CSAD: variants seen among roughly 807,000 people sequenced by gnomAD.
CSAD encodes the protein P-selectin cytoplasmic tail-associated protein.
CSAD carries 47 observed loss-of-function variants against 61.5 expected under a neutral mutation model. The observed-to-expected ratio is 0.76, with a 90% CI of 0.60 to 0.97. The LOEUF (loss-of-function observed/expected upper bound fraction) is 0.97. Among genes scored for constraint, CSAD ranks in the 50% least tolerant of loss-of-function variants. CSAD has a pLI of 0.00. For synonymous variants in CSAD, 245 were observed against 252.7 expected (o/e 0.97, Z 0.29); for missense variants, 611 against 643.6 (o/e 0.95, Z 0.55).
At chr12:53,166,782 TGATAC>T (rs1939990630) in intron 10 of CSAD, among the ~76,000 whole-genome samples, 2 of 151,696 alleles carry the variant, frequency 1.3e-5, no homozygotes, top group African/African-American at 4.9e-5. Context: ...GGGGACAGAG[TGATAC>T]TCTGTCTCAG....
chr12:53,177,204 T>C (rs893225940), intron 2 of CSAD, among the ~76,000 whole-genome samples: 3 of 152,210 alleles, frequency 2.0e-5, no homozygotes, highest in Non-Finnish European at 4.4e-5. Context: ...AAGATGAATA[T>C]ATATGAAATC....
Position 53,180,762 on chromosome 12 carries a change from G to A in CSAD, c.-121C>T, listed in dbSNP as rs1176985254. The A allele has an allele frequency of 1.3e-5, 17 of 1,268,986 alleles. No individual in the cohort carries two copies. The South Asian group carries it at 2.2e-4, about 16-fold the overall frequency. The allele number at this position is 1,268,986 out of a possible 1,614,324, so 78.6% of individuals were successfully genotyped here. A position where few individuals can be genotyped will look rare whatever the true frequency, so the allele number is the denominator to read the frequency against. On this transcript the variant is annotated 5_prime_UTR_variant, in exon 1 of 17. Transcript: ENST00000444623. ...TCCCGGTGGGGGCAGCCGCGGCGGT[G>A]GGGTTGGCAGGGTGTGCTGGGGCCT...
In CSAD at chr12:53,158,660, T is replaced by A. The variant is rs143563275; in HGVS notation, c.1333A>T (p.Met445Leu). ...SKVAPVLKER[M>L]VKEGSMMIGY... ...ATCATCATGGAGCCCTCCTTCACCA[T>A]GCGCTCCTTGAGCACGGGGGCCACC... The change falls in exon 17 of 17, where the codon ATG (methionine) becomes TTG (leucine). Residue 445 changes from methionine (M) to leucine (L), a missense_variant. Met to Leu is a conservative substitution (Grantham distance 15). Transcript: ENST00000444623. The A allele has an allele frequency of 6.2e-7, 1 of 1,614,050 alleles. No homozygotes were observed. Among genetic ancestry groups the A allele is most frequent in the African/African-American group, 1.3e-5 (1 of 74,930 alleles).
Position 53,171,582 on chromosome 12 carries a change from C to T in CSAD, c.452-141G>A. On this transcript the variant is annotated intron_variant, in intron 7 of 16. Coordinates refer to ENST00000444623, the MANE Select transcript of CSAD (RefSeq NM_001244705.2). The stretch of plus-strand genomic sequence containing the variant: ...CAGGCCACAATTCTCAGGATCATAC[C>T]ATCCCAGAATGGATCCAGGATCAGC... 3 of 788,026 alleles carry T rather than the reference C, an allele frequency of 3.8e-6. No individual in the cohort carries two copies. In the South Asian group the frequency reaches 5.0e-5, roughly 13 times the overall value. 48.8% of individuals were successfully genotyped at this position (788,026 alleles called of 1,614,324 possible). A position where few individuals can be genotyped will look rare whatever the true frequency, so the allele number is the denominator to read the frequency against.
intron 2 of CSAD, 66 bp from the exon 3 acceptor site, chr12:53,173,836 T>C (rs2121514833): frequency 1.3e-6 from 2 of 1,516,630 alleles, no homozygotes; most frequent in African/African-American, 1.4e-5. Flanking sequence ...AGTGTTTTTT[T>C]CATAAATTCA....
At chr12:53,158,742 G>T in intron 16 of CSAD, 58 bp from the exon 17 acceptor site, 1 of 1,547,226 alleles carries the variant, frequency 6.5e-7, no homozygotes, top group South Asian at 1.2e-5. Flanking sequence ...CAGGTAGGCT[G>T]GCTTCTTGTC....
Position 53,170,500 on chromosome 12 carries a change from A to G in CSAD, c.570T>C (p.Cys190=). 1 of 1,613,970 alleles carries G rather than the reference A, an allele frequency of 6.2e-7. No homozygotes were observed. Among genetic ancestry groups the G allele is most frequent in the Non-Finnish European group, 8.5e-7 (1 of 1,179,898 alleles). The change falls in exon 9 of 17, where the codon TGT becomes TGC. Residue 190 remains cysteine (C), a splice_region_variant and synonymous_variant. Transcript: ENST00000444623. ...CAGCTCCCTTCTGGATGGAGTAGTG[A>G]CACTGTGGGGGAAGGCAGAGGGCAA... ...PPLALFTSKE[C]HYSIQKGAAF... is the part of the protein sequence containing the mutation.
At chr12:53,162,247 T>C (rs1939373027) in intron 10 of CSAD, among the ~76,000 whole-genome samples, 2 of 151,420 alleles carry the variant, frequency 1.3e-5, no homozygotes, top group African/African-American at 4.9e-5. Context: ...TACTCCAGCC[T>C]GGGCAAAAGA....
At chr12:53,172,085 G>A in intron 6 of CSAD, 97 bp from the exon 7 acceptor site, 2 of 865,616 alleles carry the variant, frequency 2.3e-6, no homozygotes, top group East Asian at 2.5e-5. Flanking sequence ...AGGCAGTGAA[G>A]AGTGAGCAAA....
At chr12:53,161,749 G>A (rs1482534691) in intron 10 of CSAD, among the ~76,000 whole-genome samples, 1 of 152,104 alleles carries the variant, frequency 6.6e-6, no homozygotes. Context: ...CTGAGGCCAG[G>A]AGTTCAAGAC....
At chr12:53,167,591 AAAG>A (rs1940084227) in intron 10 of CSAD, among the ~76,000 whole-genome samples, 1 of 152,244 alleles carries the variant, frequency 6.6e-6, no homozygotes, top group Admixed American at 6.5e-5. Flanking sequence ...ACATTTTTCC[AAAG>A]AAGATATACA....
chr12:53,170,341 G>T, intron 9 of CSAD, 82 bp downstream of exon 9: 1 of 1,288,368 alleles, frequency 7.8e-7, no homozygotes, highest in Non-Finnish European at 1.1e-6. Context: ...AGCGGTAAGG[G>T]TCTGATGCCA....
rs1224056611 is a variant in CSAD, at chr12:53,170,555, G to A, written c.568-53C>T. 9 of 1,398,832 alleles carry A rather than the reference G, an allele frequency of 6.4e-6. No homozygotes were observed. The African/African-American group carries it at 1.1e-4, about 18-fold the overall frequency. The allele number at this position is 1,398,832 out of a possible 1,614,324, so 86.7% of individuals were successfully genotyped here. ...GCACAACTTGATGGGGGAGGGGAGAGAAGGTAAAAGTCAAGTGTGAGCTCC... is the reference window on the plus strand; with the variant it reads ...GCACAACTTGATGGGGGAGGGGAGAAAAGGTAAAAGTCAAGTGTGAGCTCC... On this transcript the variant is annotated intron_variant, in intron 8 of 16. Coordinates refer to ENST00000444623, the MANE Select transcript of CSAD (RefSeq NM_001244705.2).
At chr12:53,174,344 A>G (rs1180759697) in intron 2 of CSAD, among the ~76,000 whole-genome samples, 1 of 151,848 alleles carries the variant, frequency 6.6e-6, no homozygotes, top group African/African-American at 2.4e-5. Flanking sequence ...ATACTGAAAA[A>G]GAAGGAAAAA....
At chr12:53,160,732 G>C (rs752513267) in intron 13 of CSAD, 31 bp downstream of exon 13, 1 of 1,524,030 alleles carries the variant, frequency 6.6e-7, no homozygotes, top group South Asian at 1.2e-5. Flanking sequence ...AGAGAGAGGT[G>C]GGGCTGGTGC....
Position 53,158,476 on chromosome 12 carries a change from G to T in CSAD, c.*35C>A, listed in dbSNP as rs748489546. The T allele has an allele frequency of 1.9e-6, 3 of 1,598,878 alleles. No homozygotes were observed. The African/African-American group carries it at 4.0e-5, about 21-fold the overall frequency. Reference sequence around the variant, plus strand: ...GAATGCAGTGACTCTGCGGGTGAGGGGTGGTATCAAGGCCGGCAGCAAGAC... The same window carrying T: ...GAATGCAGTGACTCTGCGGGTGAGGTGTGGTATCAAGGCCGGCAGCAAGAC... On this transcript the variant is annotated 3_prime_UTR_variant, in exon 17 of 17. Transcript: ENST00000444623.
In CSAD at chr12:53,179,627, T is replaced by C. The variant is rs1330318473; in HGVS notation, c.-90-485A>G. The C allele has an allele frequency of 3.0e-5, 20 of 663,196 alleles. No homozygotes were observed. The East Asian group carries it at 4.9e-4, about 16-fold the overall frequency. 41.1% of individuals were successfully genotyped at this position (663,196 alleles called of 1,614,324 possible). On this transcript the variant is annotated intron_variant, in intron 1 of 16. Coordinates refer to ENST00000444623, the MANE Select transcript of CSAD (RefSeq NM_001244705.2). ...TAAAACACAAAAAACGTACTTTCAA[T>C]GGCCCAAATCATGGAGTGGCTCAGG...
intron 11 of CSAD, 33 bp from the exon 12 acceptor site, chr12:53,161,224 C>T (rs769955279): frequency 6.2e-7 from 1 of 1,614,016 alleles, no homozygotes; most frequent in East Asian, 2.2e-5. Flanking sequence ...TGGGCCTTGG[C>T]CTTGGCTCAG....
rs1313264570 is a variant in CSAD at position 53,160,241 on chromosome 12, T to C, written c.1045A>G (p.Thr349Ala). Reference sequence around the variant, plus strand: ...CCACACTGCACCACCTTGTCTCCCGTGTCCAGAGCCACATCGTAGAACTTG... The same window carrying C: ...CCACACTGCACCACCTTGTCTCCCGCGTCCAGAGCCACATCGTAGAACTTG... ...QDKFYDVALD[T>A]GDKVVQCGRR... The change falls in exon 14 of 17, where the codon ACG becomes GCG. Residue 349 changes from threonine (T) to alanine (A), a missense_variant. Transcript: ENST00000444623. 1.2e-6 allele frequency: 2 copies of C among 1,614,178 alleles called. No homozygotes were observed. The highest frequency in any genetic ancestry group is 1.7e-6 in the Non-Finnish European group (2 of 1,180,024).
Sources: allele counts gnomAD v4.1 joint callset (sites outside exome capture counted in the v4.1 genomes callset), GRCh38; gene constraint gnomAD v4.1.1; transcripts MANE v1.5; gene names NCBI Gene and HGNC (gene_info 2026-07-23, HGNC 2026-07-21).